Variants in SAMMSON observed in about 807,000 individuals in gnomAD.
The protein encoded by SAMMSON is long intergenic non-protein coding RNA 1212.
At chr3:70,275,651 A>G (rs1702017688) in intron 6 of SAMMSON, among the ~76,000 whole-genome samples, 1 of 152,208 alleles carries the variant, frequency 6.6e-6, no homozygotes, top group South Asian at 2.1e-4. Context: ...TCAACCTCCC[A>G]CGCCTCAGCT....
At chr3:70,170,583 T>C (rs951783949) in intron 4 of SAMMSON, among the ~76,000 whole-genome samples, 3 of 136,964 alleles carry the variant, frequency 2.2e-5, no homozygotes, top group African/African-American at 5.3e-5. Flanking sequence ...ATTTTCCTTT[T>C]TTTTTTTTTT....
At chr3:70,010,449 C>A (rs900169082) in intron 1 of SAMMSON, among the ~76,000 whole-genome samples, 26 of 152,228 alleles carry the variant, frequency 1.7e-4, no homozygotes, top group African/African-American at 6.3e-4. Flanking sequence ...TTATCAGAGA[C>A]TAGGATTGCA....
At chr3:70,211,248 C>T (rs1444656823) in intron 4 of SAMMSON, among the ~76,000 whole-genome samples, 1 of 151,416 alleles carries the variant, frequency 6.6e-6, no homozygotes, top group Non-Finnish European at 1.5e-5. Flanking sequence ...CCTTTTCCTT[C>T]CTTTCTGCTT....
At chr3:70,416,662 T>A (rs1701266827) in intron 2 of SAMMSON, among the ~76,000 whole-genome samples, 1 of 152,166 alleles carries the variant, frequency 6.6e-6, no homozygotes, top group South Asian at 2.1e-4. Flanking sequence ...TTAAATATAA[T>A]TGCAACTCAT....
intron 4 of SAMMSON, among the ~76,000 whole-genome samples, chr3:70,169,615 G>A (rs1262278080): frequency 6.6e-6 from 1 of 150,544 alleles, no homozygotes; most frequent in Non-Finnish European, 1.5e-5. Flanking sequence ...AAAGATTTCA[G>A]GGAGAGTTTA....
intron 6 of SAMMSON, among the ~76,000 whole-genome samples, chr3:70,265,165 G>C (rs1701904610): frequency 1.3e-5 from 2 of 152,110 alleles, no homozygotes; most frequent in African/African-American, 4.8e-5. Flanking sequence ...GATTGGGTGG[G>C]GACACAGCCA....
intron 4 of SAMMSON, among the ~76,000 whole-genome samples, chr3:70,080,291 T>C (rs1456153673): frequency 6.6e-6 from 1 of 152,188 alleles, no homozygotes; most frequent in Non-Finnish European, 1.5e-5. Flanking sequence ...CCTAGTCTGG[T>C]CCCTCCTTGC....
chr3:70,322,053 A>G (rs1345929637), intron 7 of SAMMSON, among the ~76,000 whole-genome samples: 1 of 152,198 alleles, frequency 6.6e-6, no homozygotes, highest in South Asian at 2.1e-4. Context: ...TATTTGGATG[A>G]TAGTGACTGC....
chr3:70,357,094 A>G (rs1417805120), intron 8 of SAMMSON, among the ~76,000 whole-genome samples: 3 of 152,118 alleles, frequency 2.0e-5, no homozygotes, highest in East Asian at 3.8e-4. Flanking sequence ...TGCTATTACA[A>G]ACTTGGAACG....
intron 9 of SAMMSON, among the ~76,000 whole-genome samples, chr3:70,389,029 A>C (rs989385408): frequency 6.6e-6 from 1 of 152,020 alleles, no homozygotes; most frequent in Non-Finnish European, 1.5e-5. Context: ...TGTTAAAAAG[A>C]ATCTGGCTTC....
rs544407451 is a variant in SAMMSON at position 70,161,241 on chromosome 3, ATCCTGT to A, written n.508-87862_508-87857del. Among the ~76,000 whole-genome samples the A allele has an allele frequency of 6.6e-5, 10 of 152,092 alleles. No individual in the cohort carries two copies. In the South Asian group the frequency reaches 2.1e-3, roughly 32 times the overall value. ...AAAGAGGTGGTGAGAGAGCATTCTT[ATCCTGT>A]TCCCAATCTTAGGGGACTTCCTTCA... On this transcript the variant is annotated intron_variant and non_coding_transcript_variant, in intron 4 of 9. Coordinates refer to ENST00000642114, the Ensembl canonical transcript of SAMMSON.
At chr3:70,313,455 G>A (rs376235073) in intron 7 of SAMMSON, among the ~76,000 whole-genome samples, 1 of 151,180 alleles carries the variant, frequency 6.6e-6, no homozygotes, top group East Asian at 1.9e-4. Context: ...TTCAGCCTGG[G>A]CAACAGAGCA....
intron 7 of SAMMSON, among the ~76,000 whole-genome samples, chr3:70,346,236 T>G (rs1009923026): frequency 6.6e-5 from 10 of 152,130 alleles, no homozygotes. Context: ...ATAACTGATG[T>G]GCATCTTTTC....
intron 4 of SAMMSON, chr3:70,206,422 A>G: frequency 2.5e-6 from 1 of 392,944 alleles, no homozygotes. Context: ...ACCTTGACAT[A>G]TGTCATTCAC....
At chr3:70,176,936 G>A (rs1396414378) in intron 4 of SAMMSON, among the ~76,000 whole-genome samples, 1 of 152,100 alleles carries the variant, frequency 6.6e-6, no homozygotes, top group East Asian at 1.9e-4. Flanking sequence ...GAGTATCACA[G>A]GTATCTAGAA....
chr3:70,035,286 A>G (rs1163629695), intron 3 of SAMMSON, among the ~76,000 whole-genome samples: 4 of 152,160 alleles, frequency 2.6e-5, no homozygotes, highest in East Asian at 1.9e-4. Context: ...TGAAGTCAGT[A>G]ACAGCACACT....
In SAMMSON at chr3:70,256,272, T is replaced by G. The variant is rs114523852; in HGVS notation, n.674+6602T>G. On this transcript the variant is annotated intron_variant and non_coding_transcript_variant, in intron 6 of 9. Transcript: ENST00000642114. ...CTGGGAATCAAGATGACACCTTTGT[T>G]GTGGATTTTCTAAGTCAGACAGAGA... Among the ~76,000 whole-genome samples the G allele has an allele frequency of 2.6e-3, 389 of 152,334 alleles. 2 individuals are homozygous for G. Among genetic ancestry groups the G allele is most frequent in the African/African-American group, 8.9e-3 (369 of 41,586 alleles).
intron 2 of SAMMSON, among the ~76,000 whole-genome samples, chr3:70,433,368 C>G (rs577207175): frequency 6.6e-6 from 1 of 152,130 alleles, no homozygotes; most frequent in Non-Finnish European, 1.5e-5. Context: ...TAGGTGTGCA[C>G]TGGTATTTTG....
At chr3:70,431,116 G>A (rs1232469033) in intron 2 of SAMMSON, among the ~76,000 whole-genome samples, 3 of 152,050 alleles carry the variant, frequency 2.0e-5, no homozygotes, top group Non-Finnish European at 2.9e-5. Context: ...AAGCTTACAT[G>A]AGACCATAAA....
Sources: gnomAD v4.1 joint callset for allele counts (sites outside exome capture counted in the v4.1 genomes callset) on GRCh38, gnomAD v4.1.1 for gene constraint, MANE v1.5 for transcripts, NCBI Gene and HGNC (gene_info 2026-07-23, HGNC 2026-07-21) for gene names.